KPNB1: variants seen among roughly 807,000 people sequenced by gnomAD.
KPNB1 encodes the protein karyopherin subunit beta 1.
A neutral mutation model predicts 113.0 loss-of-function variants in KPNB1; 7 were observed. The observed-to-expected ratio is 0.06, with a 90% CI of 0.04 to 0.12. The LOEUF is 0.12. Ranked by LOEUF, KPNB1 falls within the 10% of genes least tolerant of loss-of-function variation. The pLI, the probability that KPNB1 is intolerant of heterozygous loss-of-function variation, is 1.00. For synonymous variants in KPNB1, 363 were observed against 378.6 expected (o/e 0.96, Z 0.48); for missense variants, 400 against 1,054.8 (o/e 0.38, Z 8.60).
chr17:47,669,790 A>C lies in KPNB1; in HGVS notation c.1337A>C (p.Asp446Ala), dbSNP rs1034805598. 1 of 1,614,022 alleles carries C rather than the reference A, an allele frequency of 6.2e-7. No individual in the cohort carries two copies. Among genetic ancestry groups the C allele is most frequent in the African/African-American group, 1.3e-5 (1 of 74,918 alleles). Residue 446 changes from aspartate to alanine, a missense_variant, in exon 11 of 22, where the codon GAT becomes GCT. Around this residue, in one of 2 missense-constraint regions of KPNB1, gnomAD observed 285 missense variants for 627.0 expected, o/e 0.45. Transcript: ENST00000290158. ...CELLPEAAINDVYLAPLLQCL... is the reference protein window; with the variant it reads ...CELLPEAAINAVYLAPLLQCL... ...CTGCTTCCTGAAGCTGCCATCAATG[A>C]TGTCTACTTGGCTCCCCTGCTACAG...
At chr17:47,675,379 T>TG (rs2030581494) in intron 15 of KPNB1, among the ~76,000 whole-genome samples, 1 of 113,918 alleles carries the variant, frequency 8.8e-6, no homozygotes, top group South Asian at 2.7e-4. Flanking sequence ...TTTGTTTTTT[T>TG]TTTTTGTTTG....
At chr17:47,682,039 G>A (rs2030801966) in intron 21 of KPNB1, among the ~76,000 whole-genome samples, 1 of 152,114 alleles carries the variant, frequency 6.6e-6, no homozygotes, top group Non-Finnish European at 1.5e-5. Context: ...CTGTTGCCCA[G>A]GCTGGGTTTG....
rs1157291179 is a variant in KPNB1 at position 47,683,090 on chromosome 17, T to TAAAAAAAAAAAA, written c.*704_*715dup. 1.3e-3 allele frequency: 22 copies of TAAAAAAAAAAAA among 17,254 alleles called. 2 individuals carry two copies. Among genetic ancestry groups the TAAAAAAAAAAAA allele is most frequent in the Non-Finnish European group, 1.8e-3 (18 of 10,230 alleles). The allele number at this position is 17,254 out of a possible 1,614,324, so 1.1% of individuals were successfully genotyped here. Reference sequence around the variant, plus strand: ...GTTTACTGATGCAGCACAAGAGATGTAAAAAAAAAAAAAAAAAAAAAAAAA... The same window carrying TAAAAAAAAAAAA: ...GTTTACTGATGCAGCACAAGAGATGTAAAAAAAAAAAAAAAAAAAAAAAAAAAAAAAAAAAAA... On this transcript the variant is annotated 3_prime_UTR_variant, in exon 22 of 22. Transcript: ENST00000290158.
At chr17:47,662,975 T>C (rs2030153264) in intron 6 of KPNB1, 114 bp from the exon 7 acceptor site, 1 of 733,502 alleles carries the variant, frequency 1.4e-6, no homozygotes. Context: ...AATGATAACG[T>C]ATCCCATATT....
intron 13 of KPNB1, 38 bp from the exon 14 acceptor site, chr17:47,673,452 G>T (rs537066166): frequency 1.3e-6 from 2 of 1,539,432 alleles, no homozygotes; most frequent in East Asian, 4.5e-5. Flanking sequence ...AAAGTGGAAG[G>T]TTTTCATGTA....
intron 9 of KPNB1, among the ~76,000 whole-genome samples, chr17:47,667,086 CTT>C (rs1388974593): frequency 6.6e-6 from 1 of 152,106 alleles, no homozygotes; most frequent in African/African-American, 2.4e-5. Flanking sequence ...TTAGTGGAAT[CTT>C]TTCTTTTTTG....
At chr17:47,672,780 T>C (rs1335170812) in intron 12 of KPNB1, among the ~76,000 whole-genome samples, 1 of 152,240 alleles carries the variant, frequency 6.6e-6, no homozygotes, top group East Asian at 1.9e-4. Flanking sequence ...TTTTCCTCTA[T>C]AATTTTAGCC....
At chr17:47,675,159 C>T (rs2030558203) in intron 15 of KPNB1, among the ~76,000 whole-genome samples, 1 of 151,900 alleles carries the variant, frequency 6.6e-6, no homozygotes, top group African/African-American at 2.4e-5. Context: ...CACTATATTG[C>T]TCAGGCTGGT....
At chr17:47,680,720 G>GCCCCTCCT (rs756462846) in intron 21 of KPNB1, 51 bp downstream of exon 21, 529 of 1,563,784 alleles carry the variant, frequency 3.4e-4, no homozygotes, top group Non-Finnish European at 4.5e-4. Context: ...GGAGGAGGGG[G>GCCCCTCCT]GTATGTTTTC....
intron 12 of KPNB1, 37 bp from the exon 13 acceptor site, chr17:47,672,981 A>T (rs775356431): frequency 1.3e-6 from 2 of 1,589,338 alleles, no homozygotes. Flanking sequence ...TGTCCTTTTC[A>T]TTTGAGGCTT....
intron 12 of KPNB1, among the ~76,000 whole-genome samples, chr17:47,671,302 G>A (rs79980568): frequency 0.032 from 4,876 of 152,272 alleles, 102 homozygotes; most frequent in Non-Finnish European, 0.049. Context: ...TTTAAAGATG[G>A]AGAAAGAAAT....
At chr17:47,660,869 TG>T (rs2030071778) in intron 5 of KPNB1, among the ~76,000 whole-genome samples, 1 of 152,210 alleles carries the variant, frequency 6.6e-6, no homozygotes, top group Admixed American at 6.5e-5. Context: ...TCTTTGTTAG[TG>T]GTCATTTTGG....
At chr17:47,668,463 T>C in intron 10 of KPNB1, 53 bp downstream of exon 10, 1 of 1,383,490 alleles carries the variant, frequency 7.2e-7, no homozygotes, top group Non-Finnish European at 1.0e-6. Context: ...TGTTTAAACT[T>C]AAAGCATATC....
intron 15 of KPNB1, 41 bp downstream of exon 15, chr17:47,674,823 A>G: frequency 6.4e-7 from 1 of 1,574,730 alleles, no homozygotes; most frequent in South Asian, 1.2e-5. Context: ...TGTCTTTGGA[A>G]TGTAGGCATT....
intron 3 of KPNB1, among the ~76,000 whole-genome samples, chr17:47,654,415 T>TAAAAA (rs374274253): frequency 5.8e-5 from 7 of 119,896 alleles, no homozygotes; most frequent in East Asian, 4.6e-4. Context: ...CTCCATTTCT[T>TAAAAA]AAAAAAAAAA....
chr17:47,668,170 C>T lies in KPNB1; in HGVS notation c.1000-16C>T. 1 of 1,605,036 alleles carries T rather than the reference C, an allele frequency of 6.2e-7. No individual in the cohort carries two copies. Among genetic ancestry groups the T allele is most frequent in the Non-Finnish European group, 8.5e-7 (1 of 1,172,342 alleles). ...CTTTGGACAAAATCTTAACTAGTGC[C>T]ATATTCTTTCACCAGGACGAAAATG... On this transcript the variant is annotated splice_polypyrimidine_tract_variant and intron_variant, in intron 9 of 21. Coordinates refer to ENST00000290158, the MANE Select transcript of KPNB1 (RefSeq NM_002265.6).
chr17:47,678,461 T>G, intron 19 of KPNB1, 48 bp downstream of exon 19: 624 of 1,203,038 alleles, frequency 5.2e-4, no homozygotes, highest in Non-Finnish European at 6.9e-4. Flanking sequence ...AATGTGCACT[T>G]AGCCAAGTGG....
At chr17:47,658,485 T>A in intron 4 of KPNB1, 23 bp from the exon 5 acceptor site, 1 of 1,607,670 alleles carries the variant, frequency 6.2e-7, no homozygotes, top group South Asian at 1.1e-5. Flanking sequence ...TGTATATTCA[T>A]TGCACTTCTC....
At chr17:47,665,609 C>G (rs2030244136) in intron 9 of KPNB1, among the ~76,000 whole-genome samples, 1 of 152,048 alleles carries the variant, frequency 6.6e-6, no homozygotes, top group Non-Finnish European at 1.5e-5. Flanking sequence ...ATGAAGGACC[C>G]CAACCCAAGA....
Sources: gnomAD v4.1 joint callset for allele counts (sites outside exome capture counted in the v4.1 genomes callset) on GRCh38, gnomAD v4.1.1 for gene constraint, gnomAD v4.1.1 regional missense constraint, MANE v1.5 for transcripts, NCBI Gene and HGNC (gene_info 2026-07-23, HGNC 2026-07-21) for gene names.